The following SNX30 variants were observed in gnomAD, a reference collection of about 807,000 sequenced individuals.
The protein encoded by SNX30 is sorting nexin family member 30, also known as sorting nexin-30.
A neutral mutation model predicts 46.4 loss-of-function variants in SNX30; 24 were observed. That is an observed-to-expected ratio of 0.52 (90% CI 0.37 to 0.73). The LOEUF is 0.73. Ranked by LOEUF, SNX30 falls within the 30% of genes least tolerant of loss-of-function variation. SNX30 has a pLI of 0.00. For synonymous variants in SNX30, 189 were observed against 211.5 expected (o/e 0.89, Z 0.92); for missense variants, 533 against 555.7 (o/e 0.96, Z 0.41).
At chr9:112,835,278 T>C (rs1260932809) in intron 4 of SNX30, among the ~76,000 whole-genome samples, 1 of 152,172 alleles carries the variant, frequency 6.6e-6, no homozygotes, top group Non-Finnish European at 1.5e-5. Context: ...TTGTATAGAT[T>C]CCTCTTAGTG....
intron 4 of SNX30, among the ~76,000 whole-genome samples, chr9:112,831,261 G>A (rs1840656061): frequency 6.6e-6 from 1 of 152,026 alleles, no homozygotes; most frequent in Non-Finnish European, 1.5e-5. Context: ...CCATTAGCAT[G>A]CTTTTTTGCA....
In SNX30 at chr9:112,874,670, T is replaced by C. The variant is rs954568411; in HGVS notation, c.*5827T>C. 6.6e-6 allele frequency: 1 copy of C among 152,196 alleles called. No homozygotes were observed. The allele number at this position is 152,196 out of a possible 1,614,324, so 9.4% of individuals were successfully genotyped here. ...GATAAGAAAGTGATTTATTTACAGA[T>C]GGAAGTCTTTGTTTCATGAAGCTAC... On this transcript the variant is annotated 3_prime_UTR_variant, in exon 9 of 9. Transcript: ENST00000374232.
intron 6 of SNX30, among the ~76,000 whole-genome samples, chr9:112,843,835 G>A (rs879857761): frequency 3.3e-5 from 5 of 151,992 alleles, no homozygotes; most frequent in Non-Finnish European, 7.4e-5. Context: ...GGCTGGTCTC[G>A]AACTCCTGAC....
chr9:112,806,941 T>TACTCTTTC, intron 2 of SNX30, among the ~76,000 whole-genome samples: 1 of 152,164 alleles, frequency 6.6e-6, no homozygotes, highest in Non-Finnish European at 1.5e-5. Context: ...ATGTCTAGCT[T>TACTCTTTC]ACTCTTTCAA....
chr9:112,761,141 C>T (rs1252347869), intron 1 of SNX30, among the ~76,000 whole-genome samples: 2 of 150,150 alleles, frequency 1.3e-5, no homozygotes, highest in African/African-American at 4.9e-5. Context: ...AGTAGCTAGT[C>T]CTAGAGGGCG....
intron 6 of SNX30, among the ~76,000 whole-genome samples, chr9:112,847,282 A>G (rs771035205): frequency 1.3e-5 from 2 of 152,026 alleles, no homozygotes; most frequent in Non-Finnish European, 2.9e-5. Context: ...CGTCCCGCGC[A>G]TATCCCAGCC....
chr9:112,764,890 A>G (rs1222011909), intron 1 of SNX30, among the ~76,000 whole-genome samples: 1 of 152,222 alleles, frequency 6.6e-6, no homozygotes, highest in Non-Finnish European at 1.5e-5. Context: ...CTCTCAGACT[A>G]ACATCATCGA....
At chr9:112,809,174 C>A (rs1276462487) in intron 2 of SNX30, among the ~76,000 whole-genome samples, 2 of 151,516 alleles carry the variant, frequency 1.3e-5, no homozygotes, top group African/African-American at 4.9e-5. Flanking sequence ...GCGGCCTCCG[C>A]CTCCCAGGTT....
chr9:112,865,155 C>CA (rs1841302802), intron 8 of SNX30, among the ~76,000 whole-genome samples: 1 of 135,850 alleles, frequency 7.4e-6, no homozygotes, highest in Non-Finnish European at 1.6e-5. Flanking sequence ...ACATACACAC[C>CA]CCACACACAA....
chr9:112,754,246 A>G (rs892041322), intron 1 of SNX30, among the ~76,000 whole-genome samples: 3 of 152,180 alleles, frequency 2.0e-5, no homozygotes, highest in African/African-American at 7.2e-5. Context: ...GTGCTTGGGT[A>G]GAAGAGAAAG....
chr9:112,767,981 G>A (rs921559746), intron 1 of SNX30, among the ~76,000 whole-genome samples: 2 of 152,146 alleles, frequency 1.3e-5, no homozygotes, highest in Non-Finnish European at 2.9e-5. Context: ...GGTTTTCCTG[G>A]CTTTCATTCA....
Position 112,751,420 on chromosome 9 carries a change from G to A in SNX30, c.156+263G>A, listed in dbSNP as rs564599567. On this transcript the variant is annotated intron_variant, in intron 1 of 8. Transcript: ENST00000374232. ...TGGTGGGGAGGGGTCCAGCCTGCGT[G>A]TTGGAGCGGGAGGCGTGTGTTCAGG... 1.1e-4 allele frequency among the ~76,000 whole-genome samples: 16 copies of A among 152,324 alleles called. 1 individual carries two copies. The South Asian group carries it at 2.5e-3, about 24-fold the overall frequency.
At chr9:112,839,306 A>G (rs1248906403) in intron 6 of SNX30, among the ~76,000 whole-genome samples, 1 of 152,258 alleles carries the variant, frequency 6.6e-6, no homozygotes, top group Non-Finnish European at 1.5e-5. Context: ...TTGCCCAGCA[A>G]AAGGATTGAA....
At chr9:112,751,751 A>C (rs1016233037) in intron 1 of SNX30, among the ~76,000 whole-genome samples, 1 of 151,548 alleles carries the variant, frequency 6.6e-6, no homozygotes. Context: ...GGCTCCATTC[A>C]CCTCCGACGG....
intron 4 of SNX30, 68 bp from the exon 5 acceptor site, chr9:112,836,146 G>A: frequency 2.9e-6 from 4 of 1,399,548 alleles, no homozygotes; most frequent in South Asian, 1.5e-5. Context: ...GCTTTTAGAA[G>A]CTGTTTTATT....
chr9:112,804,525 A>G (rs901355533), intron 1 of SNX30, among the ~76,000 whole-genome samples: 4 of 152,072 alleles, frequency 2.6e-5, no homozygotes, highest in Non-Finnish European at 5.9e-5. Flanking sequence ...CTGCTTACTT[A>G]TATTGGTTTC....
At chr9:112,833,602 T>C (rs1456857790) in intron 4 of SNX30, among the ~76,000 whole-genome samples, 1 of 152,198 alleles carries the variant, frequency 6.6e-6, no homozygotes, top group East Asian at 1.9e-4. Flanking sequence ...GCAGAGTGGG[T>C]ACAGCAATCA....
chr9:112,798,125 T>C (rs1402496799), intron 1 of SNX30, among the ~76,000 whole-genome samples: 83 of 55,246 alleles, frequency 1.5e-3, no homozygotes, highest in African/African-American at 4.0e-3. Context: ...TTTTTTCTTT[T>C]TTTTTTTTTT....
intron 2 of SNX30, among the ~76,000 whole-genome samples, chr9:112,807,520 T>C (rs1190145801): frequency 6.6e-6 from 1 of 152,236 alleles, no homozygotes; most frequent in Non-Finnish European, 1.5e-5. Context: ...AGGACCTAGA[T>C]TAATATACAT....
Sources: gnomAD v4.1 joint callset for allele counts (sites outside exome capture counted in the v4.1 genomes callset) on GRCh38, gnomAD v4.1.1 for gene constraint, MANE v1.5 for transcripts, NCBI Gene and HGNC (gene_info 2026-07-23, HGNC 2026-07-21) for gene names.